STRN: variants seen among roughly 807,000 people sequenced by gnomAD.
The protein encoded by STRN is protein phosphatase 2 regulatory subunit B'''alpha.
Under a neutral mutation model 96.3 loss-of-function variants are expected in STRN, and 53 were observed. The observed-to-expected ratio is 0.55, with a 90% CI of 0.44 to 0.69. The LOEUF is 0.69. Ranked by LOEUF, STRN falls within the 30% of genes least tolerant of loss-of-function variation. STRN has a pLI of 0.00. For missense variants in STRN, 987 were observed against 963.9 expected (o/e 1.02, Z -0.32); for synonymous variants, 428 against 355.9 (o/e 1.20, Z -2.28).
chr2:36,920,110 T>C (rs1670212120), intron 2 of STRN, among the ~76,000 whole-genome samples: 1 of 152,092 alleles, frequency 6.6e-6, no homozygotes, highest in Non-Finnish European at 1.5e-5. Context: ...TGGAATTGCA[T>C]TAAAATAGAT....
intron 1 of STRN, among the ~76,000 whole-genome samples, chr2:36,945,758 T>C (rs540400979): frequency 6.6e-6 from 1 of 152,178 alleles, no homozygotes; most frequent in African/African-American, 2.4e-5. Flanking sequence ...CAGGACCAAC[T>C]TGATTTCATT....
At chr2:36,930,564 G>T (rs540125965) in intron 1 of STRN, among the ~76,000 whole-genome samples, 5 of 152,056 alleles carry the variant, frequency 3.3e-5, no homozygotes, top group African/African-American at 1.2e-4. Context: ...TCTGGAGTGG[G>T]GCCCAAGAAT....
Position 36,902,690 on chromosome 2 carries a change from C to T in STRN, c.553G>A (p.Ala185Thr). 6.2e-7 allele frequency: 1 copy of T among 1,611,528 alleles called. No homozygotes were observed. The highest frequency in any genetic ancestry group is 8.5e-7 in the Non-Finnish European group (1 of 1,178,246). Residue 185 changes from alanine to threonine, a missense_variant, in exon 5 of 18, where the codon GCT (alanine) becomes ACT (threonine). Ala to Thr is a moderately conservative substitution (Grantham distance 58, BLOSUM62 0). Coordinates refer to ENST00000263918, the MANE Select transcript of STRN (RefSeq NM_003162.4). ...ILDVKSKRVR[A>T]LLGFSSDVTD... ...ACATCACTTGAAAAGCCCAACAAAG[C>T]TCGCACTCGTTTAGATTTCACATCT...
At chr2:36,887,435 A>G (rs1669269716) in intron 7 of STRN, among the ~76,000 whole-genome samples, 1 of 151,786 alleles carries the variant, frequency 6.6e-6, no homozygotes, top group South Asian at 2.1e-4. Context: ...GTGCCATTGC[A>G]CTCCCGCCTG....
At chr2:36,897,614 T>C (rs1275436385) in intron 6 of STRN, among the ~76,000 whole-genome samples, 1 of 151,730 alleles carries the variant, frequency 6.6e-6, no homozygotes, top group East Asian at 1.9e-4. Context: ...TTTTTTTGTA[T>C]TTTTAGTAGA....
intron 7 of STRN, among the ~76,000 whole-genome samples, chr2:36,891,369 T>C (rs918467217): frequency 6.6e-6 from 1 of 151,938 alleles, no homozygotes; most frequent in South Asian, 2.1e-4. Flanking sequence ...TCTACTAAAA[T>C]ACAAAAAATA....
chr2:36,902,634 G>C lies in STRN; in HGVS notation c.609C>G (p.Asp203Glu). The C allele has an allele frequency of 6.2e-7, 1 of 1,611,894 alleles. No homozygotes were observed. The highest frequency in any genetic ancestry group is 1.7e-4 in the Middle Eastern group (1 of 6,054). Reference sequence around the variant, plus strand: ...CAGCCTCTGTGCCATTTACAACTGAGTCCTGATTTTTGTCATCTTCCCTGT... The same window carrying C: ...CAGCCTCTGTGCCATTTACAACTGACTCCTGATTTTTGTCATCTTCCCTGT... ...VTDREDDKNQ[D>E]SVVNGTEAEV... Residue 203 changes from aspartate (D) to glutamate (E), a missense_variant, in exon 5 of 18, where the codon GAC (aspartate) becomes GAG (glutamate). Physicochemically the swap from Asp to Glu is conservative, Grantham distance 45 (BLOSUM62 2). Transcript: ENST00000263918.
At position 36,849,178 on chromosome 2, in the gene STRN, A is replaced by C. The variant is rs979823653; in HGVS notation, c.*278T>G. 3 of 371,086 alleles carry C rather than the reference A, an allele frequency of 8.1e-6. No individual in the cohort carries two copies. The highest frequency in any genetic ancestry group is 1.5e-5 in the Non-Finnish European group (3 of 204,212). 23.0% of individuals were successfully genotyped at this position (371,086 alleles called of 1,614,324 possible). A position where few individuals can be genotyped will look rare whatever the true frequency, so the allele number is the denominator to read the frequency against. On this transcript the variant is annotated 3_prime_UTR_variant, in exon 18 of 18. Coordinates refer to ENST00000263918, the MANE Select transcript of STRN (RefSeq NM_003162.4). Reference sequence around the variant, plus strand: ...AACTTGTATTCGCTCAGGCCTGCCTAGCGAATTAGAACCACCTCAGAAATA... The same window carrying C: ...AACTTGTATTCGCTCAGGCCTGCCTCGCGAATTAGAACCACCTCAGAAATA...
chr2:36,929,308 T>C (rs1269864123), intron 1 of STRN, among the ~76,000 whole-genome samples: 1 of 152,168 alleles, frequency 6.6e-6, no homozygotes, highest in African/African-American at 2.4e-5. Context: ...TATAAACAGG[T>C]TTATCTGCAT....
chr2:36,861,940 A>G (rs1668497597), intron 12 of STRN, among the ~76,000 whole-genome samples: 1 of 152,060 alleles, frequency 6.6e-6, no homozygotes, highest in African/African-American at 2.4e-5. Context: ...TTCACAGTCA[A>G]GTTGGCCCTA....
In STRN at chr2:36,848,014, G is replaced by C. The variant is rs901357543; in HGVS notation, c.*1442C>G. 1.3e-5 allele frequency: 2 copies of C among 152,184 alleles called. No homozygotes were observed. Among genetic ancestry groups the C allele is most frequent in the African/African-American group, 4.8e-5 (2 of 41,456 alleles). 9.4% of individuals were successfully genotyped at this position (152,184 alleles called of 1,614,324 possible). On this transcript the variant is annotated 3_prime_UTR_variant, in exon 18 of 18. Transcript: ENST00000263918. ...CTGTCATTTGGGACAAAGAGTAAGA[G>C]AGACATAAACCACTATAGAAATAAT...
chr2:36,928,274 T>A lies in STRN; in HGVS notation c.235-3066A>T, dbSNP rs150542311. ...GCAGTATATTGCTCTTTGAATTGAA[T>A]TGAGGAAGGGCGAGGGTGAGAGACA... On this transcript the variant is annotated intron_variant, in intron 1 of 17. Transcript: ENST00000263918. Among the ~76,000 whole-genome samples, 11 of 151,838 alleles carry A rather than the reference T, an allele frequency of 7.2e-5. No individual in the cohort carries two copies. The South Asian group carries it at 2.3e-3, about 32-fold the overall frequency.
At chr2:36,849,854 T>C in intron 16 of STRN, 54 bp from the exon 17 acceptor site, 2 of 1,555,420 alleles carry the variant, frequency 1.3e-6, no homozygotes, top group South Asian at 1.1e-5. Context: ...ATCTTCAATA[T>C]TTGCCAGCTA....
chr2:36,876,364 T>C (rs72872398), intron 10 of STRN, among the ~76,000 whole-genome samples: 3 of 152,042 alleles, frequency 2.0e-5, no homozygotes, highest in African/African-American at 7.2e-5. Flanking sequence ...GTTATTGTAG[T>C]AGCTCTGGCT....
intron 6 of STRN, among the ~76,000 whole-genome samples, chr2:36,894,618 T>C (rs2148189551): frequency 6.6e-6 from 1 of 152,352 alleles, no homozygotes; most frequent in Non-Finnish European, 1.5e-5. Context: ...AACATGGGCC[T>C]AAAGAAATTA....
intron 3 of STRN, 86 bp from the exon 4 acceptor site, chr2:36,905,704 T>G: frequency 8.6e-7 from 1 of 1,167,624 alleles, no homozygotes; most frequent in Non-Finnish European, 1.3e-6. Context: ...AATAAACATT[T>G]ATAAGATTAA....
At chr2:36,871,354 C>A (rs978238830) in intron 10 of STRN, among the ~76,000 whole-genome samples, 21 of 152,156 alleles carry the variant, frequency 1.4e-4, no homozygotes, top group African/African-American at 4.8e-4. Context: ...ATCTTTTACA[C>A]TGTATTTTTA....
chr2:36,935,533 C>T (rs1670680085), intron 1 of STRN, among the ~76,000 whole-genome samples: 1 of 152,218 alleles, frequency 6.6e-6, no homozygotes, highest in African/African-American at 2.4e-5. Flanking sequence ...CAATTTATCT[C>T]ATCCCAAACC....
At chr2:36,920,697 A>C (rs1270256904) in intron 2 of STRN, among the ~76,000 whole-genome samples, 1 of 151,022 alleles carries the variant, frequency 6.6e-6, no homozygotes, top group African/African-American at 2.4e-5. Context: ...AATCCCATTT[A>C]GTTAAGAAAG....
Sources: allele counts gnomAD v4.1 joint callset (sites outside exome capture counted in the v4.1 genomes callset), GRCh38; gene constraint gnomAD v4.1.1; transcripts MANE v1.5; gene names NCBI Gene and HGNC (gene_info 2026-07-23, HGNC 2026-07-21).